GRM5: variants seen among roughly 807,000 people sequenced by gnomAD.
The protein encoded by GRM5 is glutamate metabotropic receptor 5, also known as metabotropic glutamate receptor 5.
GRM5 carries 19 observed loss-of-function variants against 83.1 expected under a neutral mutation model. That is an observed-to-expected ratio of 0.23 (90% CI 0.16 to 0.34). GRM5 has a LOEUF of 0.34. Among genes scored for constraint, GRM5 ranks in the 10% least tolerant of loss-of-function variants. The probability of loss-of-function intolerance (pLI) is 1.00; values close to 1 mark genes in which losing one functional copy is unlikely to be tolerated. For missense variants in GRM5, 1,160 were observed against 1,588.3 expected (o/e 0.73, Z 4.58); for synonymous variants, 675 against 633.6 (o/e 1.07, Z -0.98).
chr11:89,056,586 A>T (rs1356406370), intron 1 of GRM5, among the ~76,000 whole-genome samples: 1 of 152,144 alleles, frequency 6.6e-6, no homozygotes, highest in Non-Finnish European at 1.5e-5. Context: ...AGTAAAATAA[A>T]TTATTTTCTT....
At chr11:88,765,992 A>G (rs1420663617) in intron 3 of GRM5, among the ~76,000 whole-genome samples, 1 of 151,800 alleles carries the variant, frequency 6.6e-6, no homozygotes, top group Non-Finnish European at 1.5e-5. Flanking sequence ...AAACTCAACA[A>G]CAAAATCACT....
intron 3 of GRM5, among the ~76,000 whole-genome samples, chr11:88,809,722 C>T (rs1943557816): frequency 1.3e-5 from 2 of 150,978 alleles, no homozygotes; most frequent in African/African-American, 4.9e-5. Context: ...CATATAGGGA[C>T]ATTCAATCAA....
chr11:88,785,633 C>G lies in GRM5; in HGVS notation c.911+64273G>C, dbSNP rs548235723. 2.0e-5 allele frequency among the ~76,000 whole-genome samples: 3 copies of G among 152,146 alleles called. No individual in the cohort carries two copies. The South Asian group carries it at 6.2e-4, about 32-fold the overall frequency. ...CCTCGGAGACACAACATCATGCAGT[C>G]AAAGCATTCAGTTCTTTGGCCTAGT... is the stretch of plus-strand genomic sequence containing the variant. On this transcript the variant is annotated intron_variant, in intron 3 of 9. Coordinates refer to ENST00000305447, the MANE Select transcript of GRM5 (RefSeq NM_001143831.3).
intron 2 of GRM5, among the ~76,000 whole-genome samples, chr11:88,896,768 T>C (rs1053522166): frequency 3.3e-5 from 5 of 151,926 alleles, no homozygotes. Context: ...GCCACATACA[T>C]TGGGAAAGTC....
chr11:88,705,351 C>G (rs1223128007), intron 3 of GRM5, among the ~76,000 whole-genome samples: 1 of 152,042 alleles, frequency 6.6e-6, no homozygotes, highest in African/African-American at 2.4e-5. Flanking sequence ...TAATGGCAGC[C>G]AGGCTGCAGA....
chr11:88,575,424 A>G (rs1294601997), intron 7 of GRM5, among the ~76,000 whole-genome samples: 1 of 151,086 alleles, frequency 6.6e-6, no homozygotes, highest in East Asian at 1.9e-4. Context: ...TATTTATTTT[A>G]TCTTTGCTAC....
intron 2 of GRM5, among the ~76,000 whole-genome samples, chr11:88,906,348 G>C (rs1285982014): frequency 6.6e-6 from 1 of 151,968 alleles, no homozygotes; most frequent in Non-Finnish European, 1.5e-5. Flanking sequence ...TACTTTATTA[G>C]CCCTCCCCAA....
chr11:88,729,027 A>G (rs755583719), intron 3 of GRM5, among the ~76,000 whole-genome samples: 46 of 152,288 alleles, frequency 3.0e-4, no homozygotes, highest in Non-Finnish European at 5.6e-4. Flanking sequence ...GGCTAGGGCA[A>G]TCAGGCAAGA....
chr11:88,574,706 G>A (rs1943070311), intron 7 of GRM5, among the ~76,000 whole-genome samples: 1 of 152,178 alleles, frequency 6.6e-6, no homozygotes, highest in Non-Finnish European at 1.5e-5. Context: ...GATGGAGGTT[G>A]CAGTGAGCCA....
intron 3 of GRM5, among the ~76,000 whole-genome samples, chr11:88,690,497 T>A (rs999932140): frequency 6.6e-6 from 1 of 152,062 alleles, no homozygotes; most frequent in East Asian, 1.9e-4. Context: ...TAAAAAAAAA[T>A]GAGTTCTGAA....
At chr11:88,715,380 CAT>C (rs1285794618) in intron 3 of GRM5, among the ~76,000 whole-genome samples, 1 of 151,758 alleles carries the variant, frequency 6.6e-6, no homozygotes, top group Non-Finnish European at 1.5e-5. Context: ...GACTGCAAGA[CAT>C]ATGATTCTTC....
At chr11:88,572,421 T>C (rs1454375790) in intron 7 of GRM5, among the ~76,000 whole-genome samples, 1 of 152,176 alleles carries the variant, frequency 6.6e-6, no homozygotes, top group Non-Finnish European at 1.5e-5. Context: ...CCTCTAACAA[T>C]ATCAGTTCTG....
At chr11:88,523,917 A>G (rs555710384) in intron 9 of GRM5, 84 of 152,302 alleles carry the variant, frequency 5.5e-4, no homozygotes, top group African/African-American at 1.6e-3. Flanking sequence ...TTGTTATGCA[A>G]TTAGGTCTCA....
intron 3 of GRM5, among the ~76,000 whole-genome samples, chr11:88,768,218 GATAAGAAAACATA>G (rs1314296555): frequency 6.6e-6 from 1 of 151,894 alleles, no homozygotes; most frequent in Non-Finnish European, 1.5e-5. Context: ...TGGACGGATG[GATAAGAAAACATA>G]ATATATGCAT....
In GRM5 at chr11:88,567,186, C is replaced by T. The variant is rs373161442; in HGVS notation, c.2497G>A (p.Val833Met). ...GTAGATGTGGTGAAGGCGCTGCGCA[C>T]GTTTCTCTCTGGTTTGGCCAGGATG... ...YIILAKPERN[V>M]RSAFTTSTVV... The change falls in exon 8 of 10, where the codon GTG becomes ATG. Residue 833 changes from valine to methionine, a missense_variant. Physicochemically the swap from Val to Met is conservative, Grantham distance 21. Around this residue, in one of 9 missense-constraint regions of GRM5, gnomAD observed 66 missense variants for 138.6 expected, o/e 0.48. Transcript: ENST00000305447. This position sits in a 1 kb window ranked among gnomAD's most constrained non-coding sequence, Gnocchi z 7.3. 6 of 1,613,956 alleles carry T rather than the reference C, an allele frequency of 3.7e-6. No individual in the cohort carries two copies. The highest frequency in any genetic ancestry group is 1.7e-5 in the Admixed American group (1 of 60,004).
intron 2 of GRM5, among the ~76,000 whole-genome samples, chr11:88,999,157 TC>T (rs1206835098): frequency 1.3e-5 from 2 of 151,968 alleles, no homozygotes; most frequent in Non-Finnish European, 2.9e-5. Context: ...CTAGGCAATA[TC>T]ATTCAGGACA....
intron 3 of GRM5, among the ~76,000 whole-genome samples, chr11:88,798,522 G>A (rs1943325102): frequency 6.6e-6 from 1 of 152,026 alleles, no homozygotes; most frequent in Non-Finnish European, 1.5e-5. Context: ...TGGTGAATGT[G>A]GGGCAGCGAT....
At chr11:88,973,441 G>A (rs763806149) in intron 2 of GRM5, among the ~76,000 whole-genome samples, 9 of 152,122 alleles carry the variant, frequency 5.9e-5, no homozygotes, top group Non-Finnish European at 1.2e-4. Context: ...CACCACAAGT[G>A]CTCTTATCAG....
At chr11:88,845,141 T>C (rs1324681721) in intron 3 of GRM5, among the ~76,000 whole-genome samples, 2 of 152,178 alleles carry the variant, frequency 1.3e-5, no homozygotes, top group Admixed American at 1.3e-4. Context: ...CACTTCCTTT[T>C]GTGAAAGGAA....
Sources: allele counts gnomAD v4.1 joint callset (sites outside exome capture counted in the v4.1 genomes callset), GRCh38; gene constraint gnomAD v4.1.1; regional missense constraint gnomAD v4.1.1; non-coding constraint Gnocchi (gnomAD v3.1); transcripts MANE v1.5; gene names NCBI Gene and HGNC (gene_info 2026-07-23, HGNC 2026-07-21).